The following TBC1D22A variants were observed in gnomAD, a reference collection of about 807,000 sequenced individuals.
TBC1D22A encodes the protein TBC1 domain family member 22A, also known as putative GTPase activator.
A neutral mutation model predicts 60.2 loss-of-function variants in TBC1D22A; 38 were observed. The ratio of observed to expected loss-of-function variants is 0.63; its 90% CI spans 0.49 to 0.83. The LOEUF is 0.83. Among genes scored for constraint, TBC1D22A ranks in the 40% least tolerant of loss-of-function variants. The probability of loss-of-function intolerance (pLI) is 0.00; values close to 1 mark genes in which losing one functional copy is unlikely to be tolerated. For synonymous variants in TBC1D22A, 302 were observed against 281.7 expected, an observed-to-expected ratio of 1.07 and a Z score of -0.72; for missense variants, 628 against 701.0, an observed-to-expected ratio of 0.90 and a Z score of 1.18.
intron 4 of TBC1D22A, among the ~76,000 whole-genome samples, chr22:46,869,817 GAAA>G (rs2067222831): frequency 6.6e-6 from 1 of 152,210 alleles, no homozygotes; most frequent in South Asian, 2.1e-4. Context: ...TGAATCTTAA[GAAA>G]AAAAGACGCT....
chr22:46,797,224 A>G (rs2084692256), intron 3 of TBC1D22A, among the ~76,000 whole-genome samples: 2 of 152,212 alleles, frequency 1.3e-5, no homozygotes, highest in East Asian at 3.9e-4. Context: ...CTTTTATGCA[A>G]GGTGGTCCAT....
chr22:46,792,405 A>T (rs2084452421), intron 1 of TBC1D22A, 115 bp from the exon 2 acceptor site: 3 of 1,417,152 alleles, frequency 2.1e-6, no homozygotes, highest in Non-Finnish European at 3.0e-6. Context: ...GCCCATGAGG[A>T]GCTGCTTCCT....
chr22:46,896,508 TG>T (rs2068684683), intron 7 of TBC1D22A, among the ~76,000 whole-genome samples: 1 of 152,216 alleles, frequency 6.6e-6, no homozygotes, highest in Non-Finnish European at 1.5e-5. Flanking sequence ...CTGCAGTTGA[TG>T]GCCATGTGTG....
At chr22:46,925,864 T>C (rs748395599) in intron 8 of TBC1D22A, among the ~76,000 whole-genome samples, 3 of 152,176 alleles carry the variant, frequency 2.0e-5, no homozygotes, top group African/African-American at 4.8e-5. Context: ...GCAGGATACA[T>C]GTTCCTCTCA....
At chr22:47,100,325 C>A (rs757321742) in intron 11 of TBC1D22A, among the ~76,000 whole-genome samples, 16 of 151,972 alleles carry the variant, frequency 1.1e-4, no homozygotes, top group Non-Finnish European at 1.9e-4. Context: ...AGGAATGAGG[C>A]CTTTGGGCAC....
chr22:46,946,256 A>G (rs1453894143), intron 8 of TBC1D22A, among the ~76,000 whole-genome samples: 1 of 152,176 alleles, frequency 6.6e-6, no homozygotes, highest in Non-Finnish European at 1.5e-5. Flanking sequence ...GGCTGAACTG[A>G]ACCACGTTCC....
chr22:46,936,997 G>A (rs1251752778), intron 8 of TBC1D22A, among the ~76,000 whole-genome samples: 1 of 151,134 alleles, frequency 6.6e-6, no homozygotes, highest in Non-Finnish European at 1.5e-5. Flanking sequence ...TGGCTTTTTT[G>A]TGGGGGGCAG....
intron 4 of TBC1D22A, among the ~76,000 whole-genome samples, chr22:46,853,487 C>T (rs549509531): frequency 6.6e-5 from 10 of 152,040 alleles, no homozygotes; most frequent in Non-Finnish European, 1.2e-4. Flanking sequence ...TTGACTCTTT[C>T]GGGGGCTTCC....
intron 4 of TBC1D22A, among the ~76,000 whole-genome samples, chr22:46,805,853 C>CT (rs758912287): frequency 7.6e-6 from 1 of 131,164 alleles, no homozygotes; most frequent in Non-Finnish European, 1.7e-5. Context: ...TCTTCTTCTT[C>CT]TTTTTTTTCT....
chr22:47,046,184 C>T (rs1168590940), intron 11 of TBC1D22A, among the ~76,000 whole-genome samples: 1 of 152,160 alleles, frequency 6.6e-6, no homozygotes, highest in Non-Finnish European at 1.5e-5. Context: ...TGTCCAAGTC[C>T]AAGTACCTTA....
At chr22:47,152,308 TG>T (rs2067535349) in intron 12 of TBC1D22A, among the ~76,000 whole-genome samples, 1 of 152,214 alleles carries the variant, frequency 6.6e-6, no homozygotes. Flanking sequence ...TCCTCTTCCC[TG>T]GGTGAGAAAC....
intron 11 of TBC1D22A, among the ~76,000 whole-genome samples, chr22:47,045,317 G>T (rs1418795044): frequency 2.0e-5 from 3 of 152,170 alleles, no homozygotes; most frequent in Non-Finnish European, 4.4e-5. Context: ...CTCCTCCGCG[G>T]TTTGGAAGTC....
intron 8 of TBC1D22A, among the ~76,000 whole-genome samples, chr22:46,936,444 G>C (rs563158246): frequency 5.1e-4 from 77 of 152,338 alleles, no homozygotes; most frequent in African/African-American, 1.8e-3. Context: ...AGAATATACA[G>C]GCAGTGCCCC....
At chr22:46,940,340 A>G (rs1220518484) in intron 8 of TBC1D22A, among the ~76,000 whole-genome samples, 1 of 152,000 alleles carries the variant, frequency 6.6e-6, no homozygotes, top group Non-Finnish European at 1.5e-5. Context: ...GTGCATGAGT[A>G]TATATATATA....
At chr22:46,779,538 C>T (rs772994489) in intron 1 of TBC1D22A, among the ~76,000 whole-genome samples, 6 of 152,172 alleles carry the variant, frequency 3.9e-5, no homozygotes, top group Non-Finnish European at 8.8e-5. Flanking sequence ...GAATTACAGA[C>T]GTGAGCCACA....
At chr22:47,129,724 A>C (rs538375364) in intron 12 of TBC1D22A, among the ~76,000 whole-genome samples, 2 of 152,286 alleles carry the variant, frequency 1.3e-5, no homozygotes, top group East Asian at 3.9e-4. Flanking sequence ...AAAAAACAAA[A>C]ATTTTTATTT....
At position 47,174,426 on chromosome 22, in the gene TBC1D22A, C is replaced by G. The variant is rs1315325009; in HGVS notation, c.*800C>G. ...CAGCCAGAGCCCCTGGAGGCCCACC[C>G]AGGCTGTCGGGCCATGTTGGGCTGG... On this transcript the variant is annotated 3_prime_UTR_variant, in exon 13 of 13. Transcript: ENST00000337137. 6.6e-6 allele frequency: 1 copy of G among 152,336 alleles called. No homozygotes were observed. The highest frequency in any genetic ancestry group is 1.5e-5 in the Non-Finnish European group (1 of 68,102). 9.4% of individuals were successfully genotyped at this position (152,336 alleles called of 1,614,324 possible).
chr22:47,021,667 AGCC>A (rs748151708), intron 10 of TBC1D22A, among the ~76,000 whole-genome samples: 64 of 152,260 alleles, frequency 4.2e-4, no homozygotes, highest in Middle Eastern at 3.4e-3. Context: ...CCCCACCTGT[AGCC>A]TGGGCCCATA....
chr22:47,033,761 C>T (rs73888815), intron 10 of TBC1D22A, among the ~76,000 whole-genome samples: 6,157 of 152,194 alleles, frequency 0.04, 380 homozygotes, highest in African/African-American at 0.14. Flanking sequence ...GAGCCCGGGG[C>T]GCGGGGAAGC....
Sources: allele counts gnomAD v4.1 joint callset (sites outside exome capture counted in the v4.1 genomes callset), GRCh38; gene constraint gnomAD v4.1.1; transcripts MANE v1.5; gene names NCBI Gene and HGNC (gene_info 2026-07-23, HGNC 2026-07-21).